SEL1L: variants seen among roughly 807,000 people sequenced by gnomAD.
SEL1L encodes the protein protein sel-1 homolog 1.
Under a neutral mutation model 109.8 loss-of-function variants are expected in SEL1L, and 52 were observed. That is an observed-to-expected ratio of 0.47 (90% confidence interval 0.38 to 0.60). The LOEUF (loss-of-function observed/expected upper bound fraction) is 0.60, where lower values mean the gene tolerates loss of function less well. Among genes scored for constraint, SEL1L ranks in the 20% least tolerant of loss-of-function variants. The probability of loss-of-function intolerance (pLI) is 0.00; values close to 1 mark genes in which losing one functional copy is unlikely to be tolerated. For synonymous variants in SEL1L, 373 were observed against 339.6 expected (o/e 1.10, Z -1.08); for missense variants, 749 against 962.2 (o/e 0.78, Z 2.93).
chr14:81,498,604 A>G (rs888662403), intron 8 of SEL1L, 110 bp from the exon 9 acceptor site: 1 of 747,840 alleles, frequency 1.3e-6, no homozygotes, highest in Non-Finnish European at 2.3e-6. Flanking sequence ...ATTTGATCCA[A>G]GTACACTAAC....
intron 16 of SEL1L, 62 bp downstream of exon 16, chr14:81,487,328 G>C (rs1446052863): frequency 6.8e-7 from 1 of 1,468,360 alleles, no homozygotes; most frequent in Non-Finnish European, 9.0e-7. Context: ...AGAATTGAAA[G>C]CGCAGACTTT....
chr14:81,500,207 G>A (rs528472880), intron 6 of SEL1L, among the ~76,000 whole-genome samples: 16 of 151,846 alleles, frequency 1.1e-4, no homozygotes, highest in African/African-American at 2.2e-4. Context: ...CACTGTACCC[G>A]GCCACAATTA....
chr14:81,511,790 C>T (rs1018290884), intron 3 of SEL1L, among the ~76,000 whole-genome samples: 2 of 152,190 alleles, frequency 1.3e-5, no homozygotes, highest in African/African-American at 4.8e-5. Flanking sequence ...AGTTTAAACT[C>T]AGTTCCTTTT....
At chr14:81,533,596 G>A in intron 1 of SEL1L, 79 bp downstream of exon 1, 1 of 1,391,636 alleles carries the variant, frequency 7.2e-7, no homozygotes, top group Non-Finnish European at 1.0e-6. Flanking sequence ...CCCGAGCCTG[G>A]AGTCCCCACG....
Position 81,485,690 on chromosome 14 carries a change from T to A in SEL1L, c.1855A>T (p.Asn619Tyr), listed in dbSNP as rs1327340509. ...CACTTACCTTGAGAGGCGGCCCTGT[T>A]CCAATGTAGCAAAGCTCTGGGATAA... is the stretch of plus-strand genomic sequence containing the variant. ...ETYPRALLHW[N>Y]RAASQGYTVA... Residue 619 changes from asparagine to tyrosine, a missense_variant, in exon 18 of 21, where the codon AAC becomes TAC. Coordinates refer to ENST00000336735, the MANE Select transcript of SEL1L (RefSeq NM_005065.6). 1 of 1,613,946 alleles carries A rather than the reference T, an allele frequency of 6.2e-7. No individual in the cohort carries two copies. The highest frequency in any genetic ancestry group is 8.5e-7 in the Non-Finnish European group (1 of 1,179,954).
intron 16 of SEL1L, 107 bp downstream of exon 16, chr14:81,487,283 G>A (rs1199192958): frequency 4.6e-6 from 5 of 1,093,330 alleles, no homozygotes; most frequent in Non-Finnish European, 6.3e-6. Context: ...GGTAGGCTGA[G>A]TCTAGAACTA....
chr14:81,498,305 T>C lies in SEL1L; in HGVS notation c.973+108A>G, dbSNP rs547297355. 2.9e-5 allele frequency: 28 copies of C among 954,870 alleles called. No homozygotes were observed. In the African/African-American group the frequency reaches 3.7e-4, roughly 12 times the overall value. The allele number at this position is 954,870 out of a possible 1,614,324, so 59.1% of individuals were successfully genotyped here. ...CAACTAGTTTAAAGATGAGTCCACA[T>C]AAAAGAGCCATTTATAATACTTCAA... On this transcript the variant is annotated intron_variant, in intron 9 of 20. Coordinates refer to ENST00000336735, the MANE Select transcript of SEL1L (RefSeq NM_005065.6).
rs186084046 is a variant in SEL1L at position 81,489,160 on chromosome 14, C to T, written c.1395+92G>A. 30 of 1,117,320 alleles carry T rather than the reference C, an allele frequency of 2.7e-5. No individual in the cohort carries two copies. The South Asian group carries it at 3.0e-4, about 11-fold the overall frequency. 69.2% of individuals were successfully genotyped at this position (1,117,320 alleles called of 1,614,324 possible). On this transcript the variant is annotated intron_variant, in intron 14 of 20. Coordinates refer to ENST00000336735, the MANE Select transcript of SEL1L (RefSeq NM_005065.6). Reference sequence around the variant, plus strand: ...AGCTTTGCTTACAATGGAACAGCCCCACCTGGGCTGACTGGAAGCTAATTA... The same window carrying T: ...AGCTTTGCTTACAATGGAACAGCCCTACCTGGGCTGACTGGAAGCTAATTA...
chr14:81,513,924 C>T (rs1267794031), intron 3 of SEL1L, among the ~76,000 whole-genome samples: 1 of 152,224 alleles, frequency 6.6e-6, no homozygotes, highest in Non-Finnish European at 1.5e-5. Flanking sequence ...GAAGTCACGT[C>T]GCCCAAGTGA....
intron 5 of SEL1L, 146 bp downstream of exon 5, chr14:81,504,055 C>T (rs1031560360): frequency 3.4e-5 from 17 of 492,872 alleles, no homozygotes; most frequent in Admixed American, 1.2e-4. Context: ...GCTACTAATG[C>T]CCGTAAGTTA....
intron 6 of SEL1L, among the ~76,000 whole-genome samples, chr14:81,500,722 A>G (rs1175478640): frequency 6.6e-6 from 1 of 152,106 alleles, no homozygotes; most frequent in Non-Finnish European, 1.5e-5. Flanking sequence ...ATGAAAACAG[A>G]CAAGATATGA....
At chr14:81,484,062 T>C (rs1331107736) in intron 19 of SEL1L, among the ~76,000 whole-genome samples, 163 bp downstream of exon 19, 1 of 152,204 alleles carries the variant, frequency 6.6e-6, no homozygotes, top group Admixed American at 6.5e-5. Context: ...TGCTGGAAGA[T>C]GAGAGATGGA....
chr14:81,504,168 TG>T, intron 5 of SEL1L, 32 bp downstream of exon 5: 3 of 1,353,954 alleles, frequency 2.2e-6, no homozygotes, highest in South Asian at 1.4e-5. Flanking sequence ...TGGCCTGTCA[TG>T]GGGGAAAAGT....
chr14:81,506,182 G>C lies in SEL1L; in HGVS notation c.400C>G (p.Leu134Val), dbSNP rs762929631. 6.2e-7 allele frequency: 1 copy of C among 1,613,462 alleles called. No individual in the cohort carries two copies. Among genetic ancestry groups the C allele is most frequent in the Non-Finnish European group, 8.5e-7 (1 of 1,179,684 alleles). The change falls in exon 4 of 21, where the codon CTA becomes GTA. Residue 134 changes from leucine (L) to valine (V), a missense_variant. Physicochemically the swap from Leu to Val is conservative, Grantham distance 32. Around this residue, in one of 2 missense-constraint regions of SEL1L, gnomAD observed 366 missense variants for 399.8 expected, o/e 0.92. Transcript: ENST00000336735. ...GTACATTCATCATACTCCTTATCTA[G>C]GAAAAGAAAAGGGAAGTGGCAGGGC... ...GEPCHFPFLFLDKEYDECTSD... is the reference protein window; with the variant it reads ...GEPCHFPFLFVDKEYDECTSD...
intron 6 of SEL1L, among the ~76,000 whole-genome samples, chr14:81,500,943 G>C (rs186202478): frequency 6.6e-6 from 1 of 152,184 alleles, no homozygotes; most frequent in African/African-American, 2.4e-5. Flanking sequence ...GAAAGTATAA[G>C]CTAACATGAC....
chr14:81,514,669 T>C (rs970609549), intron 3 of SEL1L, among the ~76,000 whole-genome samples: 6 of 152,156 alleles, frequency 3.9e-5, no homozygotes, highest in African/African-American at 1.4e-4. Flanking sequence ...CCAGGGACCC[T>C]TGTGGGTTCT....
chr14:81,531,106 C>A (rs1174723538), intron 1 of SEL1L, among the ~76,000 whole-genome samples: 2 of 152,140 alleles, frequency 1.3e-5, no homozygotes, highest in Admixed American at 6.5e-5. Context: ...CTATTGTAAA[C>A]ACTGTACACT....
At chr14:81,503,312 T>G (rs1884094350) in intron 5 of SEL1L, among the ~76,000 whole-genome samples, 1 of 152,200 alleles carries the variant, frequency 6.6e-6, no homozygotes, top group Non-Finnish European at 1.5e-5. Flanking sequence ...TTCAGTCATA[T>G]TACTTATACA....
In SEL1L at chr14:81,476,459, G is replaced by A. The variant is rs190002556; in HGVS notation, c.*513C>T. 796 of 152,282 alleles carry A rather than the reference G, an allele frequency of 5.2e-3. 5 individuals carry two copies. The highest frequency in any genetic ancestry group is 0.018 in the African/African-American group (748 of 41,190). 9.4% of individuals were successfully genotyped at this position (152,282 alleles called of 1,614,324 possible). A position where few individuals can be genotyped will look rare whatever the true frequency, so the allele number is the denominator to read the frequency against. On this transcript the variant is annotated 3_prime_UTR_variant, in exon 21 of 21. Coordinates refer to ENST00000336735, the MANE Select transcript of SEL1L (RefSeq NM_005065.6). ...GACTGGTAAGAGTTTCTCAGTTATCGCAGTTCCAAAACATTTTCAAGATAG... is the reference window on the plus strand; with the variant it reads ...GACTGGTAAGAGTTTCTCAGTTATCACAGTTCCAAAACATTTTCAAGATAG...
Sources: gnomAD v4.1 joint callset for allele counts (sites outside exome capture counted in the v4.1 genomes callset) on GRCh38, gnomAD v4.1.1 for gene constraint, gnomAD v4.1.1 regional missense constraint, MANE v1.5 for transcripts, NCBI Gene and HGNC (gene_info 2026-07-23, HGNC 2026-07-21) for gene names.